The following TTC28 variants were observed in gnomAD, a reference collection of about 807,000 sequenced individuals.
TTC28 encodes tetratricopeptide repeat domain 28.
A neutral mutation model predicts 198.0 loss-of-function variants in TTC28; 61 were observed. The ratio of observed to expected loss-of-function variants is 0.31; its 90% CI spans 0.25 to 0.38. The LOEUF is 0.38. TTC28 is among the 10% of genes least tolerant of loss of function. The pLI is 1.00. For missense variants in TTC28, 2,678 were observed against 3,164.0 expected (o/e 0.85, Z 3.69); for synonymous variants, 1,171 against 1,297.8 (o/e 0.90, Z 2.10).
intron 5 of TTC28, among the ~76,000 whole-genome samples, chr22:28,217,212 C>G (rs1028553220): frequency 1.3e-5 from 2 of 152,142 alleles, no homozygotes; most frequent in East Asian, 3.9e-4. Flanking sequence ...AAGATACACA[C>G]TGCATATCAA....
At chr22:28,287,563 GA>G (rs1289094519) in intron 5 of TTC28, among the ~76,000 whole-genome samples, 9 of 152,146 alleles carry the variant, frequency 5.9e-5, no homozygotes, top group African/African-American at 2.2e-4. Context: ...AGTCAAAGAT[GA>G]GGCCTTCTAT....
chr22:28,509,138 C>A (rs959246299), intron 2 of TTC28, among the ~76,000 whole-genome samples: 1 of 151,166 alleles, frequency 6.6e-6, no homozygotes, highest in Non-Finnish European at 1.5e-5. Context: ...TTGCAGTGAG[C>A]TGAGATTGCA....
chr22:28,386,033 T>C (rs575990293), intron 2 of TTC28, among the ~76,000 whole-genome samples: 155 of 151,704 alleles, frequency 1.0e-3, no homozygotes, highest in Non-Finnish European at 1.8e-3. Flanking sequence ...TCCCAGCACT[T>C]TGGGAGGCCG....
At chr22:28,554,884 A>G (rs1413843070) in intron 2 of TTC28, among the ~76,000 whole-genome samples, 1 of 152,186 alleles carries the variant, frequency 6.6e-6, no homozygotes, top group Non-Finnish European at 1.5e-5. Context: ...AAAGGAAAAA[A>G]AAAGAAAGAA....
chr22:28,209,926 T>A (rs1462135141), intron 5 of TTC28, among the ~76,000 whole-genome samples: 1 of 152,088 alleles, frequency 6.6e-6, no homozygotes, highest in East Asian at 1.9e-4. Flanking sequence ...CAGGTGCCCC[T>A]CTGAGACGAA....
At chr22:28,463,492 A>G (rs779258166) in intron 2 of TTC28, among the ~76,000 whole-genome samples, 25 of 152,334 alleles carry the variant, frequency 1.6e-4, no homozygotes, top group Non-Finnish European at 3.1e-4. Context: ...TACTCACAAT[A>G]GCAAAGACTT....
chr22:28,191,604 T>C (rs761601467), intron 5 of TTC28, among the ~76,000 whole-genome samples: 2 of 152,364 alleles, frequency 1.3e-5, no homozygotes, highest in Non-Finnish European at 2.9e-5. Flanking sequence ...TACTGCGCTT[T>C]TCCAACGGTC....
chr22:28,193,849 G>C (rs1015548105), intron 5 of TTC28, among the ~76,000 whole-genome samples: 19 of 151,976 alleles, frequency 1.3e-4, no homozygotes, highest in African/African-American at 3.1e-4. Flanking sequence ...GAGACTTTAA[G>C]ACCCCACTGT....
intron 2 of TTC28, among the ~76,000 whole-genome samples, chr22:28,422,649 G>A (rs2047277536): frequency 6.6e-6 from 1 of 151,764 alleles, no homozygotes; most frequent in African/African-American, 2.4e-5. Flanking sequence ...GTTTCACCGT[G>A]TTAGCCAAGA....
At chr22:28,543,531 A>G (rs912934805) in intron 2 of TTC28, among the ~76,000 whole-genome samples, 10 of 151,416 alleles carry the variant, frequency 6.6e-5, no homozygotes, top group African/African-American at 2.4e-4. Context: ...GAAAGAAAAG[A>G]AGAGAGAGAG....
At chr22:28,341,557 C>T (rs1313580541) in intron 2 of TTC28, among the ~76,000 whole-genome samples, 1 of 151,842 alleles carries the variant, frequency 6.6e-6, no homozygotes, top group African/African-American at 2.4e-5. Context: ...TTTAGGAGGC[C>T]GAGGCAGGTG....
At chr22:28,325,990 T>C (rs61618162) in intron 2 of TTC28, among the ~76,000 whole-genome samples, 4 of 152,228 alleles carry the variant, frequency 2.6e-5, no homozygotes, top group African/African-American at 9.6e-5. Flanking sequence ...TAGGAACTTA[T>C]CTTAGAAATA....
intron 2 of TTC28, among the ~76,000 whole-genome samples, chr22:28,498,431 T>C (rs553240519): frequency 6.6e-6 from 1 of 152,298 alleles, no homozygotes; most frequent in African/African-American, 2.4e-5. Flanking sequence ...AGATAAACTA[T>C]TTTGGAGTAC....
intron 2 of TTC28, among the ~76,000 whole-genome samples, chr22:28,589,086 T>C (rs1053691811): frequency 6.6e-6 from 1 of 152,280 alleles, no homozygotes; most frequent in African/African-American, 2.4e-5. Context: ...GAAAGTAGCA[T>C]TGAAGTACTC....
In TTC28 at chr22:28,105,325, A is replaced by C; in HGVS notation, c.3261T>G (p.His1087Gln). The C allele has an allele frequency of 6.4e-7, 1 of 1,551,682 alleles. No homozygotes were observed. The highest frequency in any genetic ancestry group is 8.7e-7 in the Non-Finnish European group (1 of 1,146,996). The change falls in exon 8 of 23, where the codon CAT (histidine) becomes CAG (glutamine). Residue 1087 changes from histidine (H) to glutamine (Q), a missense_variant. His to Gln is a conservative substitution (Grantham distance 24, BLOSUM62 0). Coordinates refer to ENST00000397906, the MANE Select transcript of TTC28 (RefSeq NM_001145418.2). ...CTTGGGAATAGTTCTGCAAGGCATGATGGGTCCTTCCAAGGCTACTATATG... is the reference window on the plus strand; with the variant it reads ...CTTGGGAATAGTTCTGCAAGGCATGCTGGGTCCTTCCAAGGCTACTATATG... ...TVSYSSLGRT[H>Q]HALQNYSQAV...
chr22:28,088,497 T>G lies in TTC28; in HGVS notation c.3932+5583A>C, dbSNP rs1429338402. The stretch of plus-strand genomic sequence containing the variant: ...GAAACTGGATCCCTTCCTTACACCT[T>G]ATACAAAAATTAATTCAAGATGGAT... On this transcript the variant is annotated intron_variant, in intron 12 of 22. Transcript: ENST00000397906. Among the ~76,000 whole-genome samples, 3 of 151,660 alleles carry G rather than the reference T, an allele frequency of 2.0e-5. No individual in the cohort carries two copies. In the East Asian group the frequency reaches 5.8e-4, roughly 29 times the overall value.
intron 2 of TTC28, among the ~76,000 whole-genome samples, chr22:28,355,762 A>G (rs1318192590): frequency 6.6e-6 from 1 of 152,244 alleles, no homozygotes; most frequent in Non-Finnish European, 1.5e-5. Flanking sequence ...TGCATGGCTG[A>G]GTATTCAAAA....
At chr22:28,190,085 G>A (rs1924593530) in intron 5 of TTC28, among the ~76,000 whole-genome samples, 1 of 152,170 alleles carries the variant, frequency 6.6e-6, no homozygotes, top group African/African-American at 2.4e-5. Flanking sequence ...AATGGCCCAT[G>A]GTCACCATGG....
intron 13 of TTC28, among the ~76,000 whole-genome samples, chr22:28,020,305 ACT>A (rs1460330157): frequency 6.6e-6 from 1 of 151,924 alleles, no homozygotes; most frequent in East Asian, 1.9e-4. Context: ...TTCTCACCTC[ACT>A]CTGTCTTTAT....
Sources: allele counts gnomAD v4.1 joint callset (sites outside exome capture counted in the v4.1 genomes callset), GRCh38; gene constraint gnomAD v4.1.1; transcripts MANE v1.5; gene names NCBI Gene and HGNC (gene_info 2026-07-23, HGNC 2026-07-21).